IL15: variants seen among roughly 807,000 people sequenced by gnomAD.
IL15 encodes the protein interleukin 15, also known as interleukin-15.
In IL15, 11 loss-of-function variants were observed where a neutral mutation model predicts 19.6. That is an observed-to-expected ratio of 0.56 (90% CI 0.35 to 0.93). The LOEUF (loss-of-function observed/expected upper bound fraction) is 0.93. Among genes scored for constraint, IL15 ranks in the 40% least tolerant of loss-of-function variants. IL15 has a pLI of 0.01. For synonymous variants in IL15, 58 were observed against 59.6 expected (o/e 0.97, Z 0.12); for missense variants, 197 against 186.5 (o/e 1.06, Z -0.33).
rs569325600 is a variant in IL15, at chr4:141,669,014, A to C, written c.-100+12707A>C. Among the ~76,000 whole-genome samples the C allele has an allele frequency of 4.6e-4, 70 of 152,166 alleles. 1 individual carries two copies. The highest frequency in any genetic ancestry group is 2.2e-4 in the Non-Finnish European group (15 of 68,034). On this transcript the variant is annotated intron_variant, in intron 2 of 7. Coordinates refer to ENST00000320650, the MANE Select transcript of IL15 (RefSeq NM_000585.5). Reference sequence around the variant, plus strand: ...TTTTTTCCTCAGATTTGTCATCTTAATGGCAATCTGTTACAACAACTTTAT... The same window carrying C: ...TTTTTTCCTCAGATTTGTCATCTTACTGGCAATCTGTTACAACAACTTTAT...
intron 2 of IL15, among the ~76,000 whole-genome samples, chr4:141,673,535 A>G (rs901966338): frequency 2.0e-5 from 3 of 152,178 alleles, no homozygotes; most frequent in African/African-American, 7.2e-5. Flanking sequence ...AATTTTCTAC[A>G]GCTTCCTTTT....
rs766772697 is a variant in IL15 at position 141,680,642 on chromosome 4, T to C, written c.-100+24335T>C. 1.1e-4 allele frequency among the ~76,000 whole-genome samples: 17 copies of C among 152,214 alleles called. 1 individual carries two copies. Among genetic ancestry groups the C allele is most frequent in the African/African-American group, 4.1e-4 (17 of 41,460 alleles). ...GTGCTTGCCTTTTGTATTTGGCAAG[T>C]GCAGCTCTGAGTTAAAACAAACACT... On this transcript the variant is annotated intron_variant, in intron 2 of 7. Coordinates refer to ENST00000320650, the MANE Select transcript of IL15 (RefSeq NM_000585.5).
chr4:141,656,552 G>A (rs1299520466), intron 2 of IL15, among the ~76,000 whole-genome samples: 1 of 152,114 alleles, frequency 6.6e-6, no homozygotes, highest in African/African-American at 2.4e-5. Flanking sequence ...TATAGGCTTT[G>A]AGAGTCAAAT....
At chr4:141,691,601 C>A (rs1728913515) in intron 2 of IL15, among the ~76,000 whole-genome samples, 1 of 152,130 alleles carries the variant, frequency 6.6e-6, no homozygotes, top group African/African-American at 2.4e-5. Flanking sequence ...AACGAAGGGG[C>A]CACAGGTTCC....
intron 2 of IL15, chr4:141,718,579 G>A (rs1167820463): frequency 6.6e-6 from 1 of 152,096 alleles, no homozygotes; most frequent in Admixed American, 6.6e-5. Context: ...ACCTAAATAA[G>A]TGTTAGCTTT....
intron 5 of IL15, among the ~76,000 whole-genome samples, chr4:141,727,689 G>A (rs1241258659): frequency 4.6e-5 from 7 of 152,176 alleles, no homozygotes; most frequent in East Asian, 3.9e-4. Context: ...AACAAGGTGA[G>A]TGCATTGTAT....
intron 2 of IL15, among the ~76,000 whole-genome samples, chr4:141,664,409 AC>A (rs1004178959): frequency 2.6e-4 from 40 of 151,108 alleles, no homozygotes; most frequent in Non-Finnish European, 1.3e-4. Context: ...CAACAAAAAA[AC>A]CCTCTGGGGA....
At chr4:141,685,775 A>C (rs1006829485) in intron 2 of IL15, among the ~76,000 whole-genome samples, 1 of 152,238 alleles carries the variant, frequency 6.6e-6, no homozygotes, top group African/African-American at 2.4e-5. Context: ...AAGATTTATC[A>C]GATGTTTATA....
intron 2 of IL15, among the ~76,000 whole-genome samples, chr4:141,683,844 A>G (rs1464598631): frequency 1.3e-5 from 2 of 152,214 alleles, no homozygotes; most frequent in East Asian, 1.9e-4. Context: ...GAAAAATGGC[A>G]TTGCTCACAT....
intron 7 of IL15, among the ~76,000 whole-genome samples, chr4:141,730,824 T>C (rs943201137): frequency 6.6e-6 from 1 of 152,136 alleles, no homozygotes; most frequent in African/African-American, 2.4e-5. Flanking sequence ...ATCAAATTAG[T>C]TCATTTCATA....
intron 2 of IL15, chr4:141,715,521 A>G (rs1188428631): frequency 2.0e-5 from 3 of 152,122 alleles, no homozygotes. Context: ...ATAATAACTT[A>G]TTTGTGCATT....
intron 2 of IL15, among the ~76,000 whole-genome samples, chr4:141,693,348 G>A (rs1728987806): frequency 6.6e-6 from 1 of 152,126 alleles, no homozygotes; most frequent in African/African-American, 2.4e-5. Context: ...TGAAATTTGG[G>A]TGGGAACACA....
chr4:141,654,893 T>C (rs1727538533), intron 1 of IL15, among the ~76,000 whole-genome samples: 1 of 152,148 alleles, frequency 6.6e-6, no homozygotes, highest in South Asian at 2.1e-4. Flanking sequence ...CCTAGGAACA[T>C]TGGCCCATAT....
intron 2 of IL15, among the ~76,000 whole-genome samples, chr4:141,677,900 A>C (rs1728399842): frequency 6.6e-6 from 1 of 152,196 alleles, no homozygotes; most frequent in Non-Finnish European, 1.5e-5. Flanking sequence ...CTGTGGGAGA[A>C]GGGGCATAAT....
intron 2 of IL15, among the ~76,000 whole-genome samples, chr4:141,697,507 C>G (rs1267578623): frequency 6.6e-6 from 1 of 151,524 alleles, no homozygotes; most frequent in Non-Finnish European, 1.5e-5. Context: ...CTTTTTGGTT[C>G]CATATGAATT....
chr4:141,641,081 A>G (rs192334935), intron 1 of IL15, among the ~76,000 whole-genome samples: 3 of 152,168 alleles, frequency 2.0e-5, no homozygotes, highest in Admixed American at 6.5e-5. Context: ...TTCTAATAGA[A>G]ATCTGACAAA....
At position 141,658,311 on chromosome 4, in the gene IL15, A is replaced by C. The variant is rs530795952; in HGVS notation, c.-100+2004A>C. Among the ~76,000 whole-genome samples the C allele has an allele frequency of 4.6e-5, 7 of 152,282 alleles. No individual in the cohort carries two copies. The South Asian group carries it at 1.4e-3, about 32-fold the overall frequency. ...GTATAACCTGCAGAACTGTGAGTCAATTAAACATTTTTTTCTTTATAAATT... is the reference window on the plus strand; with the variant it reads ...GTATAACCTGCAGAACTGTGAGTCACTTAAACATTTTTTTCTTTATAAATT... On this transcript the variant is annotated intron_variant, in intron 2 of 7. Transcript: ENST00000320650.
chr4:141,664,155 A>G (rs1727885881), intron 2 of IL15, among the ~76,000 whole-genome samples: 1 of 152,164 alleles, frequency 6.6e-6, no homozygotes, highest in South Asian at 2.1e-4. Flanking sequence ...CAGATACAAG[A>G]GACAAATGAA....
chr4:141,676,972 T>G (rs2152170438), intron 2 of IL15, among the ~76,000 whole-genome samples: 1 of 152,280 alleles, frequency 6.6e-6, no homozygotes, highest in South Asian at 2.1e-4. Context: ...CATTAGACAA[T>G]CTGGCAGAAG....
Sources: allele counts gnomAD v4.1 joint callset (sites outside exome capture counted in the v4.1 genomes callset), GRCh38; gene constraint gnomAD v4.1.1; transcripts MANE v1.5; gene names NCBI Gene and HGNC (gene_info 2026-07-23, HGNC 2026-07-21).